The following TATDN1 variants were observed in gnomAD, a reference collection of about 807,000 sequenced individuals.
TATDN1 encodes the protein deoxyribonuclease TATDN1.
In TATDN1, 40 loss-of-function variants were observed where a neutral mutation model predicts 46.4. The ratio of observed to expected loss-of-function variants is 0.86; its 90% CI spans 0.67 to 1.12. The LOEUF is 1.12. Ranked by LOEUF, TATDN1 falls within the 50% of genes most tolerant of loss-of-function variation. The pLI, the probability that TATDN1 is intolerant of heterozygous loss-of-function variation, is 0.00. For synonymous variants in TATDN1, 95 were observed against 105.6 expected, an observed-to-expected ratio of 0.90 and a Z score of 0.62; for missense variants, 326 against 348.4, an observed-to-expected ratio of 0.94 and a Z score of 0.51.
chr8:124,538,827 CA>C (rs980911850), intron 1 of TATDN1, 197 bp downstream of exon 1: 10 of 629,382 alleles, frequency 1.6e-5, no homozygotes, highest in African/African-American at 3.7e-5. Context: ...CAAATAAATA[CA>C]CCCTCGTGAA....
At chr8:124,510,621 C>T (rs1033412220) in intron 6 of TATDN1, among the ~76,000 whole-genome samples, 1 of 151,836 alleles carries the variant, frequency 6.6e-6, no homozygotes, top group Admixed American at 6.6e-5. Context: ...CTCAGGAGTT[C>T]GAGACCAACC....
chr8:124,520,942 CAAA>C lies in TATDN1; in HGVS notation c.138+1206_138+1208del, dbSNP rs1162309758. ...TGGGTGACAGAGCGAGACTCCGTCT[CAAA>C]AAAAAAAAAAAAAAAAAAAGATAAC... On this transcript the variant is annotated intron_variant, in intron 3 of 11. Coordinates refer to ENST00000276692, the MANE Select transcript of TATDN1 (RefSeq NM_032026.4). Among the ~76,000 whole-genome samples the C allele has an allele frequency of 3.9e-3, 319 of 82,256 alleles. 2 individuals are homozygous for C. The highest frequency in any genetic ancestry group is 0.013 in the African/African-American group (288 of 22,904). 54.0% of individuals were successfully genotyped at this position (82,256 alleles called of 152,430 possible).
At chr8:124,508,549 G>C (rs368827870) in intron 7 of TATDN1, 35 bp from the exon 8 acceptor site, 16 of 1,609,040 alleles carry the variant, frequency 9.9e-6, no homozygotes, top group Non-Finnish European at 2.5e-6. Context: ...TTAGCAAATA[G>C]CTTGATTTCT....
At chr8:124,531,861 G>GA (rs1820988737) in intron 1 of TATDN1, among the ~76,000 whole-genome samples, 1 of 152,180 alleles carries the variant, frequency 6.6e-6, no homozygotes, top group Non-Finnish European at 1.5e-5. Flanking sequence ...ATTTTGTCTG[G>GA]ATTCTAATGG....
intron 1 of TATDN1, among the ~76,000 whole-genome samples, chr8:124,533,055 G>A (rs775313348): frequency 2.6e-5 from 4 of 152,014 alleles, no homozygotes; most frequent in South Asian, 2.1e-4. Flanking sequence ...GATCGAGACC[G>A]TCCTGGCTAA....
In TATDN1 at chr8:124,522,447, G is replaced by A. The variant is rs572102037; in HGVS notation, c.89-247C>T. Among the ~76,000 whole-genome samples the A allele has an allele frequency of 3.9e-5, 6 of 152,004 alleles. No homozygotes were observed. The South Asian group carries it at 1.0e-3, about 26-fold the overall frequency. ...TTCTTTTTTTTTGAGACGGAGTTTCGTTCTTGTTGCCCAGGCTGGAGTGCA... is the reference window on the plus strand; with the variant it reads ...TTCTTTTTTTTTGAGACGGAGTTTCATTCTTGTTGCCCAGGCTGGAGTGCA... On this transcript the variant is annotated intron_variant, in intron 2 of 11. Coordinates refer to ENST00000276692, the MANE Select transcript of TATDN1 (RefSeq NM_032026.4).
intron 9 of TATDN1, among the ~76,000 whole-genome samples, chr8:124,503,618 GA>G (rs1218294278): frequency 6.6e-6 from 1 of 152,196 alleles, no homozygotes; most frequent in Admixed American, 6.5e-5. Context: ...AAGAAGGACA[GA>G]AACTCCTATA....
At chr8:124,493,251 T>C (rs1324610666) in intron 11 of TATDN1, among the ~76,000 whole-genome samples, 1 of 152,240 alleles carries the variant, frequency 6.6e-6, no homozygotes, top group African/African-American at 2.4e-5. Flanking sequence ...AAGACTGATA[T>C]AATCTAGATT....
intron 6 of TATDN1, among the ~76,000 whole-genome samples, chr8:124,511,868 T>C (rs769759905): frequency 9.9e-5 from 15 of 152,174 alleles, no homozygotes; most frequent in Admixed American, 2.6e-4. Context: ...ATGTGCCTTA[T>C]GTTAAGAAAG....
At chr8:124,535,558 G>A (rs1343258066) in intron 1 of TATDN1, among the ~76,000 whole-genome samples, 1 of 152,206 alleles carries the variant, frequency 6.6e-6, no homozygotes, top group South Asian at 2.1e-4. Flanking sequence ...AAATGGAAAG[G>A]TGGAGACTGT....
At position 124,506,619 on chromosome 8, in the gene TATDN1, G is replaced by A. The variant is rs73704285; in HGVS notation, c.516+1855C>T. ...CATACATATTACTAGTAGTATAGAT[G>A]AGGCAGAGGTTGAACTTAGAGAATA... is the stretch of plus-strand genomic sequence containing the variant. On this transcript the variant is annotated intron_variant, in intron 8 of 11. Coordinates refer to ENST00000276692, the MANE Select transcript of TATDN1 (RefSeq NM_032026.4). Among the ~76,000 whole-genome samples the A allele has an allele frequency of 8.7e-3, 1,331 of 152,272 alleles. 21 individuals carry two copies. Among genetic ancestry groups the A allele is most frequent in the African/African-American group, 0.031 (1,267 of 41,540 alleles).
At chr8:124,501,157 A>T (rs191460629) in intron 9 of TATDN1, among the ~76,000 whole-genome samples, 13 of 152,342 alleles carry the variant, frequency 8.5e-5, no homozygotes, top group Admixed American at 7.8e-4. Context: ...GAGCATGGAG[A>T]CTGGGGCAGC....
rs534286939 is a variant in TATDN1 at position 124,507,459 on chromosome 8, G to T, written c.516+1015C>A. Among the ~76,000 whole-genome samples, 16 of 152,228 alleles carry T rather than the reference G, an allele frequency of 1.1e-4. No individual in the cohort carries two copies. In the South Asian group the frequency reaches 3.3e-3, roughly 32 times the overall value. On this transcript the variant is annotated intron_variant, in intron 8 of 11. Coordinates refer to ENST00000276692, the MANE Select transcript of TATDN1 (RefSeq NM_032026.4). ...TTAAAGAACAGCTGACAGAAGAGAC[G>T]AAGAATATCATGCACAGCATTAGGA...
At chr8:124,500,190 C>T (rs1210199129) in intron 9 of TATDN1, among the ~76,000 whole-genome samples, 3 of 152,174 alleles carry the variant, frequency 2.0e-5, no homozygotes, top group South Asian at 2.1e-4. Context: ...CTTTTAGGAA[C>T]CAAAGACTTT....
intron 6 of TATDN1, among the ~76,000 whole-genome samples, chr8:124,509,864 C>T (rs1028429679): frequency 1.3e-5 from 2 of 151,972 alleles, no homozygotes; most frequent in Non-Finnish European, 2.9e-5. Context: ...CATGGTGAAA[C>T]CTCGTCTCTA....
At chr8:124,492,840 T>C (rs1285356816) in intron 11 of TATDN1, among the ~76,000 whole-genome samples, 4 of 152,116 alleles carry the variant, frequency 2.6e-5, no homozygotes, top group Non-Finnish European at 4.4e-5. Flanking sequence ...TAAAATTTTC[T>C]TTATTTCTTT....
intron 9 of TATDN1, 111 bp from the exon 10 acceptor site, chr8:124,495,653 T>C (rs1016614914): frequency 2.7e-6 from 2 of 733,252 alleles, no homozygotes; most frequent in African/African-American, 3.6e-5. Context: ...CTATAACACT[T>C]TGTTTTCAGT....
At chr8:124,518,782 T>A (rs1206524013) in intron 4 of TATDN1, 36 bp downstream of exon 4, 1 of 1,511,344 alleles carries the variant, frequency 6.6e-7, no homozygotes, top group Admixed American at 1.7e-5. Flanking sequence ...AATTACTTAA[T>A]TCATTTTTTT....
At chr8:124,519,472 T>TA (rs1819841408) in intron 3 of TATDN1, among the ~76,000 whole-genome samples, 1 of 152,192 alleles carries the variant, frequency 6.6e-6, no homozygotes, top group Non-Finnish European at 1.5e-5. Context: ...TGAAAAAACA[T>TA]ACAACTGTAC....
Sources: allele counts gnomAD v4.1 joint callset (sites outside exome capture counted in the v4.1 genomes callset), GRCh38; gene constraint gnomAD v4.1.1; transcripts MANE v1.5; gene names NCBI Gene and HGNC (gene_info 2026-07-23, HGNC 2026-07-21).